IDE: variants seen among roughly 807,000 people sequenced by gnomAD.
The protein encoded by IDE is insulin degrading enzyme, also known as insulin-degrading enzyme.
IDE carries 58 observed loss-of-function variants against 133.2 expected under a neutral mutation model. The observed-to-expected ratio is 0.44, with a 90% confidence interval of 0.35 to 0.54. The LOEUF is 0.54. Ranked by LOEUF, IDE falls within the 20% of genes least tolerant of loss-of-function variation. The pLI, the probability that IDE is intolerant of heterozygous loss-of-function variation, is 0.00. For synonymous variants in IDE, 396 were observed against 421.3 expected, an observed-to-expected ratio of 0.94 and a Z score of 0.73; for missense variants, 981 against 1,234.0, an observed-to-expected ratio of 0.79 and a Z score of 3.07.
At position 92,468,991 on chromosome 10, in the gene IDE, C is replaced by T. The variant is rs1355436162; in HGVS notation, c.2209-1G>A. 6.5e-7 allele frequency: 1 copy of T among 1,540,280 alleles called. No homozygotes were observed. The highest frequency in any genetic ancestry group is 1.1e-5 in the South Asian group (1 of 89,474). Reference sequence around the variant, plus strand: ...CCATCTGCATAATTCCTAATGCAGCCTATGGAAAAAGATATGTCCCAGCAT... The same window carrying T: ...CCATCTGCATAATTCCTAATGCAGCTTATGGAAAAAGATATGTCCCAGCAT... On this transcript the variant is annotated splice_acceptor_variant, in intron 18 of 24. Transcript: ENST00000265986. LOFTEE classifies it high-confidence loss of function.
At chr10:92,524,446 T>TTATATATAATATATTTTATATAATATATA (rs1564647982) in intron 4 of IDE, among the ~76,000 whole-genome samples, 465 of 42,926 alleles carry the variant, frequency 0.011, 49 homozygotes, top group African/African-American at 0.024. Flanking sequence ...TATAATATAT[T>TTATATATAATATATTTTATATAATATATA]TTATATATTA....
At chr10:92,456,976 T>C (rs547222975) in intron 22 of IDE, among the ~76,000 whole-genome samples, 1 of 152,246 alleles carries the variant, frequency 6.6e-6, no homozygotes, top group South Asian at 2.1e-4. Flanking sequence ...TTATTCTTTT[T>C]TTTTCCTTTC....
At chr10:92,557,874 C>CGAAA (rs1843088379) in intron 1 of IDE, among the ~76,000 whole-genome samples, 14 of 108,298 alleles carry the variant, frequency 1.3e-4, no homozygotes, top group East Asian at 5.4e-4. Flanking sequence ...GATTCCACCT[C>CGAAA]AAAAAAAAAA....
chr10:92,485,596 G>C (rs1846941927), intron 13 of IDE, among the ~76,000 whole-genome samples: 1 of 152,154 alleles, frequency 6.6e-6, no homozygotes. Context: ...TCTGGGAAGA[G>C]ATATAAATGG....
At chr10:92,542,696 ACAAT>A (rs1158765899) in intron 1 of IDE, among the ~76,000 whole-genome samples, 3 of 152,202 alleles carry the variant, frequency 2.0e-5, no homozygotes, top group Non-Finnish European at 4.4e-5. Flanking sequence ...AGGCAAGGGG[ACAAT>A]CAATCAAAGT....
At chr10:92,500,470 T>C (rs933354007) in intron 11 of IDE, among the ~76,000 whole-genome samples, 8 of 152,216 alleles carry the variant, frequency 5.3e-5, no homozygotes, top group Non-Finnish European at 1.0e-4. Context: ...CACAGAAAGG[T>C]ATGTTGTATG....
chr10:92,475,744 C>G (rs1846220155), intron 16 of IDE, 140 bp downstream of exon 16: 1 of 480,014 alleles, frequency 2.1e-6, no homozygotes, highest in African/African-American at 2.0e-5. Context: ...TTTGCAATGA[C>G]AAGGTGAGAT....
chr10:92,487,347 A>C (rs1225280706), intron 12 of IDE, 29 bp from the exon 13 acceptor site: 2 of 1,595,614 alleles, frequency 1.3e-6, no homozygotes, highest in African/African-American at 1.3e-5. Flanking sequence ...ACACAAATGC[A>C]GTAAGAGTCT....
At chr10:92,545,266 A>C (rs1359127500) in intron 1 of IDE, among the ~76,000 whole-genome samples, 1 of 152,170 alleles carries the variant, frequency 6.6e-6, no homozygotes, top group Non-Finnish European at 1.5e-5. Flanking sequence ...AAACCAAGAA[A>C]AAGAAACAAA....
At chr10:92,507,800 T>C in intron 8 of IDE, 134 bp from the exon 9 acceptor site, 1 of 651,264 alleles carries the variant, frequency 1.5e-6, no homozygotes, top group Non-Finnish European at 2.8e-6. Flanking sequence ...TCCCTGAGAC[T>C]GGCTTTACGT....
At position 92,537,481 on chromosome 10, in the gene IDE, C is replaced by T. The variant is rs778400756; in HGVS notation, c.168G>A (p.Lys56=). Residue 56 remains lysine (K), a synonymous_variant, in exon 2 of 25, where the codon AAG becomes AAA. Transcript: ENST00000265986. The part of the protein sequence containing the change: ...AIKRIGNHIT[K]SPEDKREYRG... ...GATATTCTCGCTTGTCTTCAGGAGA[C>T]TTGGTAATGTGATTTCCTATTCTCT... The T allele has an allele frequency of 1.4e-5, 22 of 1,613,624 alleles. No individual in the cohort carries two copies. The highest frequency in any genetic ancestry group is 1.9e-5 in the Non-Finnish European group (22 of 1,179,740).
chr10:92,504,229 G>C (rs990780316), intron 11 of IDE, among the ~76,000 whole-genome samples: 1 of 152,106 alleles, frequency 6.6e-6, no homozygotes, highest in Non-Finnish European at 1.5e-5. Flanking sequence ...ATGAAATTCA[G>C]TTTTATGGGA....
chr10:92,501,877 A>G (rs921586299), intron 11 of IDE, among the ~76,000 whole-genome samples: 1 of 152,098 alleles, frequency 6.6e-6, no homozygotes, highest in Admixed American at 6.6e-5. Flanking sequence ...CAGGAGGCTG[A>G]GGTAAGAGAA....
At chr10:92,544,836 T>C (rs968064895) in intron 1 of IDE, among the ~76,000 whole-genome samples, 2 of 152,170 alleles carry the variant, frequency 1.3e-5, no homozygotes, top group African/African-American at 4.8e-5. Context: ...CAGGATTAAA[T>C]GTATAACAGG....
chr10:92,489,114 T>C (rs1239036965), intron 12 of IDE, among the ~76,000 whole-genome samples: 1 of 152,158 alleles, frequency 6.6e-6, no homozygotes, highest in Non-Finnish European at 1.5e-5. Flanking sequence ...CGGTTCTTAG[T>C]TCCTGCATTT....
chr10:92,506,084 A>G (rs529533820), intron 10 of IDE, among the ~76,000 whole-genome samples: 4 of 152,336 alleles, frequency 2.6e-5, no homozygotes, highest in Admixed American at 2.6e-4. Flanking sequence ...CTATCATGGT[A>G]GCCCAAGCAA....
intron 4 of IDE, among the ~76,000 whole-genome samples, chr10:92,515,719 C>T (rs1322772103): frequency 6.7e-6 from 1 of 150,358 alleles, no homozygotes; most frequent in Admixed American, 6.6e-5. Context: ...CGCCACCACG[C>T]CCGGCTAATT....
At chr10:92,520,911 C>A (rs1316159687) in intron 4 of IDE, among the ~76,000 whole-genome samples, 2 of 152,070 alleles carry the variant, frequency 1.3e-5, no homozygotes, top group African/African-American at 4.8e-5. Flanking sequence ...GCTAAGGGAA[C>A]AATAAATGAT....
chr10:92,525,280 T>G (rs1300403156), intron 4 of IDE, among the ~76,000 whole-genome samples: 1 of 151,986 alleles, frequency 6.6e-6, no homozygotes, highest in African/African-American at 2.4e-5. Flanking sequence ...ACATGATACA[T>G]CACAGTAACA....
Sources: gnomAD v4.1 joint callset for allele counts (sites outside exome capture counted in the v4.1 genomes callset) on GRCh38, gnomAD v4.1.1 for gene constraint, MANE v1.5 for transcripts, NCBI Gene and HGNC (gene_info 2026-07-23, HGNC 2026-07-21) for gene names.